Variants in ADAM22 observed in about 807,000 individuals in gnomAD.
ADAM22 encodes the protein ADAM metallopeptidase domain 22.
Under a neutral mutation model 144.6 loss-of-function variants are expected in ADAM22, and 65 were observed. That is an observed-to-expected ratio of 0.45 (90% confidence interval 0.37 to 0.55). The LOEUF (loss-of-function observed/expected upper bound fraction) is 0.55, where lower values mean the gene tolerates loss of function less well. Among genes scored for constraint, ADAM22 ranks in the 20% least tolerant of loss-of-function variants. ADAM22 has a pLI of 0.00. For synonymous variants in ADAM22, 391 were observed against 412.6 expected, an observed-to-expected ratio of 0.95 and a Z score of 0.63; for missense variants, 974 against 1,184.9, an observed-to-expected ratio of 0.82 and a Z score of 2.61.
intron 14 of ADAM22, among the ~76,000 whole-genome samples, chr7:88,138,712 C>CA (rs1405885082): frequency 1.3e-5 from 2 of 152,148 alleles, no homozygotes; most frequent in Non-Finnish European, 2.9e-5. Context: ...GGGACAGAGG[C>CA]AGGAGAGAGA....
chr7:88,057,952 G>A (rs950723394), intron 3 of ADAM22, among the ~76,000 whole-genome samples: 4 of 152,118 alleles, frequency 2.6e-5, no homozygotes, highest in Non-Finnish European at 5.9e-5. Flanking sequence ...CCATCATAAC[G>A]ATTATGTGCT....
At chr7:87,980,948 C>T (rs1349881197) in intron 3 of ADAM22, among the ~76,000 whole-genome samples, 2 of 152,020 alleles carry the variant, frequency 1.3e-5, no homozygotes, top group African/African-American at 4.8e-5. Context: ...TTCCAGAGGT[C>T]AGCAATGAGT....
intron 2 of ADAM22, among the ~76,000 whole-genome samples, chr7:87,948,686 G>A (rs1472761535): frequency 2.0e-5 from 3 of 152,178 alleles, no homozygotes; most frequent in Admixed American, 2.0e-4. Flanking sequence ...GGAATGACCA[G>A]GCATTTTTAT....
At chr7:88,099,848 A>T (rs1822435999) in intron 4 of ADAM22, among the ~76,000 whole-genome samples, 1 of 152,134 alleles carries the variant, frequency 6.6e-6, no homozygotes, top group African/African-American at 2.4e-5. Context: ...TAGGGTTGCC[A>T]TTTCTTCTAT....
intron 3 of ADAM22, among the ~76,000 whole-genome samples, chr7:88,021,072 C>T (rs763039520): frequency 1.3e-5 from 2 of 152,286 alleles, no homozygotes; most frequent in African/African-American, 2.4e-5. Flanking sequence ...TAATTTTTCT[C>T]CTCTTATCTT....
intron 3 of ADAM22, among the ~76,000 whole-genome samples, chr7:88,034,688 G>A (rs532756724): frequency 6.6e-6 from 1 of 152,248 alleles, no homozygotes; most frequent in South Asian, 2.1e-4. Context: ...CAGGTAGTGA[G>A]GCTTGCCAAA....
intron 3 of ADAM22, among the ~76,000 whole-genome samples, chr7:88,021,922 G>T (rs1323451471): frequency 6.6e-6 from 1 of 151,740 alleles, no homozygotes; most frequent in Non-Finnish European, 1.5e-5. Flanking sequence ...GCTCAGGCTG[G>T]GGTGCAGTGG....
intron 25 of ADAM22, 81 bp downstream of exon 25, chr7:88,168,308 T>G: frequency 1.4e-6 from 2 of 1,382,052 alleles, no homozygotes; most frequent in Middle Eastern, 1.8e-4. Context: ...TAGAAAGTTT[T>G]GTATCATTGG....
At chr7:88,056,724 T>C (rs1808348083) in intron 3 of ADAM22, among the ~76,000 whole-genome samples, 1 of 152,208 alleles carries the variant, frequency 6.6e-6, no homozygotes, top group Non-Finnish European at 1.5e-5. Context: ...ATTTAGTAAT[T>C]TTCCACAAGA....
chr7:88,130,236 G>C, intron 9 of ADAM22, 152 bp from the exon 10 acceptor site: 2 of 595,118 alleles, frequency 3.4e-6, no homozygotes, highest in East Asian at 6.0e-5. Context: ...CTCTGACTCT[G>C]ACATTGTTTT....
At chr7:88,160,953 G>A (rs1333649799) in intron 22 of ADAM22, among the ~76,000 whole-genome samples, 6 of 152,074 alleles carry the variant, frequency 3.9e-5, no homozygotes, top group South Asian at 2.1e-4. Context: ...ATCACACACC[G>A]GGGCCTGTCA....
chr7:88,171,516 C>G (rs750170644), intron 25 of ADAM22, 28 bp from the exon 26 acceptor site: 1 of 1,580,848 alleles, frequency 6.3e-7, no homozygotes, highest in Non-Finnish European at 8.6e-7. Context: ...TTATGTTTTT[C>G]CCTCTTTCTC....
chr7:87,957,558 C>G (rs914241146), intron 2 of ADAM22, among the ~76,000 whole-genome samples: 2 of 151,930 alleles, frequency 1.3e-5, no homozygotes, highest in Admixed American at 1.3e-4. Context: ...GGTGTGCATC[C>G]TTTCCGTCTT....
At chr7:88,117,546 C>T (rs957823942) in intron 7 of ADAM22, among the ~76,000 whole-genome samples, 1 of 152,112 alleles carries the variant, frequency 6.6e-6, no homozygotes, top group Admixed American at 6.6e-5. Context: ...AGTGATTATG[C>T]AGGGTGAGTT....
At chr7:88,155,105 T>C (rs1490558703) in intron 21 of ADAM22, among the ~76,000 whole-genome samples, 1 of 152,138 alleles carries the variant, frequency 6.6e-6, no homozygotes, top group Non-Finnish European at 1.5e-5. Context: ...TAATGAGCCT[T>C]TGTAGTTGGC....
intron 27 of ADAM22, among the ~76,000 whole-genome samples, chr7:88,181,275 A>G (rs530970067): frequency 3.9e-5 from 6 of 152,260 alleles, no homozygotes; most frequent in African/African-American, 9.6e-5. Context: ...TTTCATTTAT[A>G]TACTATTGTA....
intron 29 of ADAM22, among the ~76,000 whole-genome samples, chr7:88,182,922 C>A (rs1372769437): frequency 6.6e-6 from 1 of 152,158 alleles, no homozygotes; most frequent in Non-Finnish European, 1.5e-5. Context: ...ATTGCTTCTT[C>A]ATGCCTTAAT....
intron 4 of ADAM22, among the ~76,000 whole-genome samples, chr7:88,106,602 T>C (rs1824466000): frequency 6.6e-6 from 1 of 152,214 alleles, no homozygotes. Flanking sequence ...CACTCTTTCG[T>C]ATCTCAGTGA....
At chr7:87,999,149 A>G (rs1161390021) in intron 3 of ADAM22, among the ~76,000 whole-genome samples, 1 of 152,222 alleles carries the variant, frequency 6.6e-6, no homozygotes, top group Non-Finnish European at 1.5e-5. Context: ...CTTGAGAGAA[A>G]GTATGTTAGT....
Sources: gnomAD v4.1 joint callset for allele counts (sites outside exome capture counted in the v4.1 genomes callset) on GRCh38, gnomAD v4.1.1 for gene constraint, MANE v1.5 for transcripts, NCBI Gene and HGNC (gene_info 2026-07-23, HGNC 2026-07-21) for gene names.